Variants in GRIA3 observed in about 807,000 individuals in gnomAD.
The protein encoded by GRIA3 is glutamate ionotropic receptor AMPA type subunit 3, also known as glutamate receptor 3.
In GRIA3, 3 loss-of-function variants were observed where a neutral mutation model predicts 63.0. The observed-to-expected ratio is 0.05, with a 90% CI of 0.02 to 0.12. The LOEUF (loss-of-function observed/expected upper bound fraction) is 0.12, where lower values mean the gene tolerates loss of function less well. GRIA3 is among the 10% of genes least tolerant of loss of function. GRIA3 has a pLI of 1.00. For missense variants in GRIA3, 347 were observed against 700.9 expected (o/e 0.50, Z 5.70); for synonymous variants, 274 against 257.9 (o/e 1.06, Z -0.60).
chrX:123,191,885 T>C (rs1927444746), intron 2 of GRIA3, among the ~76,000 whole-genome samples: 1 of 111,060 alleles, frequency 9.0e-6, no homozygotes, highest in African/African-American at 3.3e-5. Flanking sequence ...GGTTAATATA[T>C]GTAACGGGGA....
chrX:123,352,159 C>A (rs2045100101), intron 4 of GRIA3, among the ~76,000 whole-genome samples: 1 of 110,709 alleles, frequency 9.0e-6, no homozygotes. Flanking sequence ...CAGCTCACTG[C>A]AACCTCCGCC....
intron 3 of GRIA3, among the ~76,000 whole-genome samples, chrX:123,322,765 C>A (rs1475438455): frequency 8.9e-6 from 1 of 111,890 alleles, no homozygotes; most frequent in African/African-American, 3.2e-5. Flanking sequence ...CAGAGAAATT[C>A]TGCATGGTAA....
intron 12 of GRIA3, among the ~76,000 whole-genome samples, chrX:123,441,084 C>T (rs2045671558): frequency 9.0e-6 from 1 of 111,526 alleles, no homozygotes; most frequent in Admixed American, 9.6e-5. Flanking sequence ...TCATCAGGAA[C>T]AGTTTCTAAA....
chrX:123,362,539 A>G (rs746893310), intron 5 of GRIA3, among the ~76,000 whole-genome samples: 1 of 111,209 alleles, frequency 9.0e-6, no homozygotes, highest in African/African-American at 3.3e-5. Flanking sequence ...AGAATGAGTG[A>G]CAGGACAGAT....
chrX:123,308,299 G>A (rs759773419), intron 3 of GRIA3, among the ~76,000 whole-genome samples: 2 of 112,075 alleles, frequency 1.8e-5, no homozygotes, highest in Non-Finnish European at 3.8e-5. Flanking sequence ...GGTTCATTAA[G>A]TCTAGAGTGG....
chrX:123,345,945 G>A (rs756749602), intron 4 of GRIA3, among the ~76,000 whole-genome samples: 2 of 111,672 alleles, frequency 1.8e-5, no homozygotes, highest in Non-Finnish European at 3.8e-5. Flanking sequence ...GGAAGGGAGA[G>A]CATAACTAAT....
chrX:123,184,924 C>T (rs1251114964), intron 1 of GRIA3: 1 of 449,680 alleles, frequency 2.2e-6, no homozygotes. Flanking sequence ...GCACCGGAGG[C>T]GAGCAGGAGG....
intron 2 of GRIA3, chrX:123,202,535 T>C: frequency 1.2e-6 from 1 of 856,761 alleles, no homozygotes; most frequent in Non-Finnish European, 1.6e-6. Flanking sequence ...TACATCAAGG[T>C]TCACCCTCTT....
chrX:123,377,113 T>C (rs1185280719), intron 5 of GRIA3, among the ~76,000 whole-genome samples: 1 of 109,849 alleles, frequency 9.1e-6, no homozygotes, highest in Non-Finnish European at 1.9e-5. Flanking sequence ...TTTTTTTATA[T>C]TTTTAGTAGA....
intron 5 of GRIA3, among the ~76,000 whole-genome samples, chrX:123,371,713 C>A (rs2045248470): frequency 9.0e-6 from 1 of 111,308 alleles, no homozygotes; most frequent in African/African-American, 3.3e-5. Context: ...AAATCTATTG[C>A]CCATTTAAGG....
At chrX:123,203,320 C>T (rs1927796046) in intron 2 of GRIA3, among the ~76,000 whole-genome samples, 1 of 111,691 alleles carries the variant, frequency 9.0e-6, no homozygotes, top group African/African-American at 3.3e-5. Flanking sequence ...AGAAAAAAAC[C>T]CTAGTATCCT....
In GRIA3 at chrX:123,354,950, T is replaced by C. The variant is rs750712377; in HGVS notation, c.737T>C (p.Met246Thr). Reference sequence around the variant, plus strand: ...AAACACTCAAGAGGTTATCACTACATGCTCGCTAACCTGGTAAGAACAAGC... The same window carrying C: ...AAACACTCAAGAGGTTATCACTACACGCTCGCTAACCTGGTAAGAACAAGC... ...LGKHSRGYHY[M>T]LANLGFTDIL... Residue 246 changes from methionine (M) to threonine (T), a missense_variant, in exon 5 of 16, where the codon ATG (methionine) becomes ACG (threonine). Physicochemically the swap from Met to Thr is moderately conservative, Grantham distance 81. Transcript: ENST00000620443. The C allele has an allele frequency of 8.4e-7, 1 of 1,193,121 alleles. No homozygotes were observed.
chrX:123,392,536 G>A (rs1398940649), intron 5 of GRIA3, among the ~76,000 whole-genome samples: 1 of 111,477 alleles, frequency 9.0e-6, no homozygotes, highest in Non-Finnish European at 1.9e-5. Flanking sequence ...GCCCATGTGG[G>A]TTGAGGGCTC....
At chrX:123,360,989 G>A (rs2045170849) in intron 5 of GRIA3, among the ~76,000 whole-genome samples, 1 of 108,593 alleles carries the variant, frequency 9.2e-6, no homozygotes, top group Non-Finnish European at 1.9e-5. Context: ...TGATGGAAGG[G>A]GGGTACTAGA....
chrX:123,363,408 T>G (rs2045189618), intron 5 of GRIA3, among the ~76,000 whole-genome samples: 1 of 112,628 alleles, frequency 8.9e-6, no homozygotes, highest in South Asian at 3.7e-4. Context: ...GCCTTGGATA[T>G]ATTTATTTCC....
chrX:123,308,471 T>C (rs974744418), intron 3 of GRIA3, among the ~76,000 whole-genome samples: 1 of 111,861 alleles, frequency 8.9e-6, no homozygotes, highest in African/African-American at 3.2e-5. Flanking sequence ...ATATGCTCAT[T>C]TCCCAAATGA....
chrX:123,215,730 T>C (rs1469294278), intron 2 of GRIA3, among the ~76,000 whole-genome samples: 1 of 111,637 alleles, frequency 9.0e-6, no homozygotes, highest in Non-Finnish European at 1.9e-5. Context: ...ATGGGAACTC[T>C]TTTTCTGGGG....
intron 3 of GRIA3, among the ~76,000 whole-genome samples, chrX:123,283,972 G>A (rs1361194173): frequency 8.9e-6 from 1 of 112,566 alleles, no homozygotes; most frequent in African/African-American, 3.2e-5. Context: ...CCCAACAGGG[G>A]GCAAAAGACA....
chrX:123,481,979 A>T (rs183779210), intron 14 of GRIA3, among the ~76,000 whole-genome samples: 1,670 of 112,219 alleles, frequency 0.015, 17 homozygotes, highest in Middle Eastern at 0.05. Context: ...CTGGATTTTT[A>T]AAAAAATCAT....
Sources: gnomAD v4.1 joint callset for allele counts (sites outside exome capture counted in the v4.1 genomes callset) on GRCh38, gnomAD v4.1.1 for gene constraint, MANE v1.5 for transcripts, NCBI Gene and HGNC (gene_info 2026-07-23, HGNC 2026-07-21) for gene names.